The following ZNRF3 variants were observed in gnomAD, a reference collection of about 807,000 sequenced individuals.
ZNRF3 encodes zinc and ring finger 3.
A neutral mutation model predicts 72.5 loss-of-function variants in ZNRF3; 23 were observed. The observed-to-expected ratio is 0.32, with a 90% CI of 0.23 to 0.45. The LOEUF is 0.45. ZNRF3 is among the 20% of genes least tolerant of loss of function. The pLI is 1.00. For missense variants in ZNRF3, 1,169 were observed against 1,272.1 expected (o/e 0.92, Z 1.23); for synonymous variants, 610 against 545.3 (o/e 1.12, Z -1.65).
intron 2 of ZNRF3, among the ~76,000 whole-genome samples, chr22:28,988,301 A>G (rs569699880): frequency 5.3e-5 from 8 of 152,266 alleles, no homozygotes; most frequent in Admixed American, 5.2e-4. Context: ...TAACCTCTTG[A>G]GGCTCTCTTG....
Position 29,049,787 on chromosome 22 carries a change from C to T in ZNRF3, c.1606C>T (p.Arg536Cys). The T allele has an allele frequency of 6.2e-7, 1 of 1,603,666 alleles. No individual in the cohort carries two copies. Among genetic ancestry groups the T allele is most frequent in the South Asian group, 1.1e-5 (1 of 90,048 alleles). The change falls in exon 8 of 9, where the codon CGC (arginine) becomes TGC (cysteine). Residue 536 changes from arginine to cysteine, a missense_variant. Physicochemically the swap from Arg to Cys is radical, Grantham distance 180 (BLOSUM62 -3). Transcript: ENST00000544604. The surrounding 1 kb of genome is among the most constrained non-coding windows in gnomAD (Gnocchi z 5.2). ...TSSFSCYHGH[R>C]SVCSGYLADC... ...CAGCTTCAGCTGCTATCACGGCCAC[C>T]GCTCGGTGTGCAGTGGCTACCTGGC...
At chr22:28,905,516 T>G (rs2034189042) in intron 1 of ZNRF3, among the ~76,000 whole-genome samples, 1 of 152,134 alleles carries the variant, frequency 6.6e-6, no homozygotes, top group Non-Finnish European at 1.5e-5. Context: ...TGTTAAGCCA[T>G]TAAGAAAAAG....
intron 2 of ZNRF3, 118 bp from the exon 3 acceptor site, chr22:29,042,377 G>T: frequency 1.4e-6 from 1 of 730,536 alleles, no homozygotes; most frequent in South Asian, 1.8e-5. Context: ...CATCCCTGAA[G>T]TCACCTAAGT....
chr22:29,019,298 G>A (rs1034335586), intron 2 of ZNRF3, among the ~76,000 whole-genome samples: 5 of 151,938 alleles, frequency 3.3e-5, no homozygotes, highest in African/African-American at 7.3e-5. Context: ...AAATATTGTG[G>A]CCATTTTCTT....
chr22:29,015,668 T>A (rs1484090597), intron 2 of ZNRF3, among the ~76,000 whole-genome samples: 9 of 139,556 alleles, frequency 6.4e-5, no homozygotes, highest in African/African-American at 1.3e-4. Context: ...AGATTCTGTT[T>A]AAAAAAAAAA....
intron 2 of ZNRF3, among the ~76,000 whole-genome samples, chr22:29,017,456 C>T (rs1004926766): frequency 1.3e-5 from 2 of 152,064 alleles, no homozygotes; most frequent in Admixed American, 1.3e-4. Flanking sequence ...TTTTAAATTG[C>T]AGGGAGGAAG....
intron 1 of ZNRF3, among the ~76,000 whole-genome samples, chr22:28,971,761 A>G (rs923279297): frequency 2.6e-5 from 4 of 152,180 alleles, no homozygotes; most frequent in Non-Finnish European, 5.9e-5. Context: ...GCTGGAGTGC[A>G]GTGGCGCCAT....
intron 1 of ZNRF3, among the ~76,000 whole-genome samples, chr22:28,926,606 G>A (rs2034606483): frequency 6.6e-6 from 1 of 151,656 alleles, no homozygotes; most frequent in African/African-American, 2.4e-5. Flanking sequence ...TCAGGAGTTC[G>A]AGACCAGCCT....
chr22:28,934,633 C>T (rs559597703), intron 1 of ZNRF3, among the ~76,000 whole-genome samples: 8 of 152,100 alleles, frequency 5.3e-5, no homozygotes, highest in East Asian at 3.9e-4. Context: ...GCCTGGCCAA[C>T]GTGGTGAAAC....
intron 1 of ZNRF3, among the ~76,000 whole-genome samples, chr22:28,896,257 C>A (rs1601532702): frequency 6.6e-6 from 1 of 152,356 alleles, no homozygotes; most frequent in African/African-American, 2.4e-5. Context: ...GCCTCAGCCT[C>A]CCGAGTAGCT....
intron 1 of ZNRF3, among the ~76,000 whole-genome samples, chr22:28,976,202 C>T (rs1288212024): frequency 1.3e-5 from 2 of 152,054 alleles, no homozygotes; most frequent in East Asian, 1.9e-4. Flanking sequence ...TTGCATTGAG[C>T]GAAGATCATG....
Position 28,907,147 on chromosome 22 carries a change from C to CA in ZNRF3, c.300+23082dup, listed in dbSNP as rs200361073. 4.0e-3 allele frequency among the ~76,000 whole-genome samples: 575 copies of CA among 143,546 alleles called. 6 individuals are homozygous for CA. Among genetic ancestry groups the CA allele is most frequent in the African/African-American group, 0.01 (407 of 40,396 alleles). The allele number at this position is 143,546 out of a possible 152,430, so 94.2% of individuals were successfully genotyped here. The stretch of plus-strand genomic sequence containing the variant: ...ACAGGCACACGCCGCCACGCCCGTC[C>CA]AGTTTTTTTTTTTTTTTTGTATTTT... On this transcript the variant is annotated intron_variant, in intron 1 of 8. Coordinates refer to ENST00000544604, the MANE Select transcript of ZNRF3 (RefSeq NM_001206998.2).
chr22:28,978,164 G>T (rs988234106), intron 1 of ZNRF3, among the ~76,000 whole-genome samples: 29 of 152,200 alleles, frequency 1.9e-4, no homozygotes, highest in African/African-American at 7.0e-4. Context: ...TGCATTGCTT[G>T]TTGGTAGCAT....
intron 2 of ZNRF3, among the ~76,000 whole-genome samples, chr22:29,038,575 C>T (rs964599591): frequency 1.3e-5 from 2 of 152,160 alleles, no homozygotes; most frequent in Non-Finnish European, 2.9e-5. Flanking sequence ...AAGCAGTCCT[C>T]CTGCCTCAAC....
chr22:28,954,449 C>T (rs1312765910), intron 1 of ZNRF3, among the ~76,000 whole-genome samples: 3 of 152,198 alleles, frequency 2.0e-5, no homozygotes, highest in African/African-American at 7.2e-5. Context: ...CCAAAGACCC[C>T]ACGCATCTCC....
intron 1 of ZNRF3, among the ~76,000 whole-genome samples, chr22:28,889,947 C>T (rs568214612): frequency 3.1e-4 from 47 of 152,264 alleles, no homozygotes; most frequent in Non-Finnish European, 4.6e-4. Flanking sequence ...CTGGATCGAC[C>T]CCCTGGGTTC....
chr22:29,009,383 A>G (rs1309090740), intron 2 of ZNRF3, among the ~76,000 whole-genome samples: 1 of 152,164 alleles, frequency 6.6e-6, no homozygotes, highest in Non-Finnish European at 1.5e-5. Flanking sequence ...TAAGGAAGGC[A>G]TTTCCAGGGA....
At chr22:28,921,541 A>AAAGG (rs1299137953) in intron 1 of ZNRF3, among the ~76,000 whole-genome samples, 1 of 152,210 alleles carries the variant, frequency 6.6e-6, no homozygotes, top group Non-Finnish European at 1.5e-5. Context: ...CTGTTGGACT[A>AAAGG]ATGCAGCACC....
At chr22:29,003,851 A>G (rs1376967519) in intron 2 of ZNRF3, among the ~76,000 whole-genome samples, 2 of 152,166 alleles carry the variant, frequency 1.3e-5, no homozygotes, top group African/African-American at 4.8e-5. Flanking sequence ...AAGTGACTGA[A>G]TTACATAAAG....
Sources: gnomAD v4.1 joint callset for allele counts (sites outside exome capture counted in the v4.1 genomes callset) on GRCh38, gnomAD v4.1.1 for gene constraint, Gnocchi (gnomAD v3.1) non-coding constraint, MANE v1.5 for transcripts, NCBI Gene and HGNC (gene_info 2026-07-23, HGNC 2026-07-21) for gene names.